FNBP1L: variants seen among roughly 807,000 people sequenced by gnomAD.
FNBP1L encodes formin-binding protein 1-like.
In FNBP1L, 36 loss-of-function variants were observed where a neutral mutation model predicts 91.2. The observed-to-expected ratio is 0.39, with a 90% CI of 0.30 to 0.52. The LOEUF (loss-of-function observed/expected upper bound fraction) is 0.52, where lower values mean the gene tolerates loss of function less well. Ranked by LOEUF, FNBP1L falls within the 20% of genes least tolerant of loss-of-function variation. The pLI is 0.66. For synonymous variants in FNBP1L, 242 were observed against 237.0 expected, an observed-to-expected ratio of 1.02 and a Z score of -0.19; for missense variants, 571 against 732.1, an observed-to-expected ratio of 0.78 and a Z score of 2.54.
At chr1:93,524,581 CTTTTT>C (rs34173735) in intron 5 of FNBP1L, among the ~76,000 whole-genome samples, 1 of 113,430 alleles carries the variant, frequency 8.8e-6, no homozygotes. Flanking sequence ...TAAGGAGATT[CTTTTT>C]TTTTTTTTTT....
intron 10 of FNBP1L, among the ~76,000 whole-genome samples, chr1:93,537,391 TTTCTCTC>T (rs1324151918): frequency 6.6e-6 from 1 of 152,058 alleles, no homozygotes; most frequent in African/African-American, 2.4e-5. Flanking sequence ...TTTCTCCTCT[TTTCTCTC>T]TTCTTACCCC....
chr1:93,457,032 T>A (rs1230489918), intron 1 of FNBP1L, among the ~76,000 whole-genome samples: 1 of 151,938 alleles, frequency 6.6e-6, no homozygotes, highest in Non-Finnish European at 1.5e-5. Flanking sequence ...GGACTACAGG[T>A]GCTTGCCACC....
In FNBP1L at chr1:93,534,911, A is replaced by G; in HGVS notation, c.990+3A>G. On this transcript the variant is annotated splice_donor_region_variant and intron_variant, in intron 9 of 16. Transcript: ENST00000271234. ...GGCTCTTTGGAAAGAAGCCAAAGGT[A>G]AAAGTCATAAAATTCCTATATGCTA... 3 of 1,558,294 alleles carry G rather than the reference A, an allele frequency of 1.9e-6. No individual in the cohort carries two copies. Among genetic ancestry groups the G allele is most frequent in the Non-Finnish European group, 2.6e-6 (3 of 1,150,368 alleles).
At chr1:93,509,009 C>A (rs564639972) in intron 2 of FNBP1L, among the ~76,000 whole-genome samples, 57 of 152,264 alleles carry the variant, frequency 3.7e-4, no homozygotes, top group Middle Eastern at 3.4e-3. Context: ...AGAATTACAA[C>A]AGAAATTTTA....
At chr1:93,491,791 A>T (rs1217273960) in intron 1 of FNBP1L, among the ~76,000 whole-genome samples, 1 of 152,236 alleles carries the variant, frequency 6.6e-6, no homozygotes, top group Non-Finnish European at 1.5e-5. Context: ...TAACACAATT[A>T]TAGGCTTCTG....
intron 5 of FNBP1L, 105 bp from the exon 6 acceptor site, chr1:93,529,547 C>T (rs1414233846): frequency 9.1e-6 from 6 of 656,106 alleles, no homozygotes; most frequent in East Asian, 3.2e-5. Context: ...CCCATCAACC[C>T]GTCATCTATG....
At chr1:93,487,261 C>A (rs1482638090) in intron 1 of FNBP1L, among the ~76,000 whole-genome samples, 1 of 152,064 alleles carries the variant, frequency 6.6e-6, no homozygotes, top group African/African-American at 2.4e-5. Context: ...TGTTTTGTTT[C>A]ATGTCTGTAA....
intron 4 of FNBP1L, among the ~76,000 whole-genome samples, chr1:93,524,051 T>TA (rs1671420889): frequency 6.6e-6 from 1 of 152,208 alleles, no homozygotes; most frequent in Non-Finnish European, 1.5e-5. Context: ...TGTAAAGTGT[T>TA]AAGACAATAT....
In FNBP1L at chr1:93,551,061, T is replaced by C; in HGVS notation, c.1766T>C (p.Val589Ala). 1 of 1,612,740 alleles carries C rather than the reference T, an allele frequency of 6.2e-7. No individual in the cohort carries two copies. The highest frequency in any genetic ancestry group is 1.1e-5 in the South Asian group (1 of 90,912). The change falls in exon 16 of 17, where the codon GTT becomes GCT. Residue 589 changes from valine to alanine, a missense_variant. Physicochemically the swap from Val to Ala is moderately conservative, Grantham distance 64. Coordinates refer to ENST00000271234, the MANE Select transcript of FNBP1L (RefSeq NM_001164473.3). ...ARRQNGEEGYVPTSYIDVTLE... is the reference protein window; with the variant it reads ...ARRQNGEEGYAPTSYIDVTLE... ...AGACAGAACGGTGAAGAAGGCTACG[T>C]TCCCACGTCATACATAGATGTAACT...
chr1:93,541,607 G>GGT (rs898529165), intron 11 of FNBP1L, among the ~76,000 whole-genome samples: 3 of 151,692 alleles, frequency 2.0e-5, no homozygotes, highest in East Asian at 3.9e-4. Flanking sequence ...GGGCGGGGAA[G>GGT]GTGTGTGTGT....
At chr1:93,526,750 G>C (rs907937415) in intron 5 of FNBP1L, among the ~76,000 whole-genome samples, 2 of 152,106 alleles carry the variant, frequency 1.3e-5, no homozygotes, top group Non-Finnish European at 2.9e-5. Context: ...CTTGTATAAT[G>C]TTATATTATC....
Position 93,515,893 on chromosome 1 carries a change from A to C in FNBP1L, c.141-6189A>C, listed in dbSNP as rs560761880. On this transcript the variant is annotated intron_variant, in intron 2 of 16. Transcript: ENST00000271234. ...GCTAACTTGCACATTGTGCACATGT[A>C]CCCTAAAACTTAAGGTATAATAATA... Among the ~76,000 whole-genome samples the C allele has an allele frequency of 2.9e-4, 44 of 152,050 alleles. 1 individual carries two copies. The South Asian group carries it at 8.7e-3, about 30-fold the overall frequency.
chr1:93,455,962 G>T (rs573937644), intron 1 of FNBP1L, among the ~76,000 whole-genome samples: 167 of 152,290 alleles, frequency 1.1e-3, no homozygotes, highest in African/African-American at 3.9e-3. Context: ...GGGGGATGCC[G>T]TCGGGCATTG....
At chr1:93,454,336 C>G (rs199837511) in intron 1 of FNBP1L, among the ~76,000 whole-genome samples, 119 of 149,190 alleles carry the variant, frequency 8.0e-4, no homozygotes, top group African/African-American at 2.6e-3. Context: ...ATGGGTGTGT[C>G]TGTGTGTGTG....
At chr1:93,494,083 C>A (rs1400742253) in intron 1 of FNBP1L, among the ~76,000 whole-genome samples, 1 of 152,122 alleles carries the variant, frequency 6.6e-6, no homozygotes, top group East Asian at 1.9e-4. Context: ...AATTGCAGGT[C>A]CTGGACTTCT....
chr1:93,514,763 C>G (rs1362098536), intron 2 of FNBP1L, among the ~76,000 whole-genome samples: 16 of 151,056 alleles, frequency 1.1e-4, no homozygotes, highest in Non-Finnish European at 1.9e-4. Context: ...ATACAAAAAT[C>G]AATTCAAGAT....
chr1:93,545,891 A>T lies in FNBP1L; in HGVS notation c.1275-951A>T, dbSNP rs941389172. ...GATTTGTAGCTATAGATTTAATTGCAACAATAAGAAAAAAGTTTAGGGCAA... is the reference window on the plus strand; with the variant it reads ...GATTTGTAGCTATAGATTTAATTGCTACAATAAGAAAAAAGTTTAGGGCAA... On this transcript the variant is annotated intron_variant, in intron 12 of 16. Transcript: ENST00000271234. 3.3e-5 allele frequency among the ~76,000 whole-genome samples: 5 copies of T among 152,186 alleles called. No individual in the cohort carries two copies. In the South Asian group the frequency reaches 1.0e-3, roughly 32 times the overall value.
chr1:93,483,661 TAAAAC>T (rs1026323032), intron 1 of FNBP1L, among the ~76,000 whole-genome samples: 2 of 152,192 alleles, frequency 1.3e-5, no homozygotes, highest in African/African-American at 4.8e-5. Context: ...CATATATAGA[TAAAAC>T]TAAATTATCT....
At chr1:93,484,646 G>C (rs60822733) in intron 1 of FNBP1L, among the ~76,000 whole-genome samples, 18,862 of 152,210 alleles carry the variant, frequency 0.12, 1,332 homozygotes, top group African/African-American at 0.19. Context: ...AGTAGTCTAG[G>C]TTGGTAGGTA....
Sources: allele counts gnomAD v4.1 joint callset (sites outside exome capture counted in the v4.1 genomes callset), GRCh38; gene constraint gnomAD v4.1.1; transcripts MANE v1.5; gene names NCBI Gene and HGNC (gene_info 2026-07-23, HGNC 2026-07-21).